Variants in PTK2B observed in about 807,000 individuals in gnomAD.
The protein encoded by PTK2B is protein tyrosine kinase 2 beta.
Under a neutral mutation model 142.9 loss-of-function variants are expected in PTK2B, and 71 were observed. The observed-to-expected ratio is 0.50, with a 90% confidence interval of 0.41 to 0.61. The LOEUF (loss-of-function observed/expected upper bound fraction) is 0.61, where lower values mean the gene tolerates loss of function less well. Among genes scored for constraint, PTK2B ranks in the 20% least tolerant of loss-of-function variants. PTK2B has a pLI of 0.00. For synonymous variants in PTK2B, 519 were observed against 503.4 expected (o/e 1.03, Z -0.42); for missense variants, 1,105 against 1,320.4 (o/e 0.84, Z 2.53).
intron 1 of PTK2B, among the ~76,000 whole-genome samples, chr8:27,344,841 A>G (rs892119031): frequency 4.6e-5 from 7 of 152,026 alleles, no homozygotes; most frequent in African/African-American, 1.4e-4. Flanking sequence ...AACACTTACA[A>G]TTTTTCTTGG....
intron 1 of PTK2B, among the ~76,000 whole-genome samples, chr8:27,350,217 G>T (rs1193152009): frequency 6.6e-6 from 1 of 152,198 alleles, no homozygotes; most frequent in Non-Finnish European, 1.5e-5. Context: ...TTTGCAAATG[G>T]AGGATACATT....
At chr8:27,346,238 A>G (rs1473179972) in intron 1 of PTK2B, among the ~76,000 whole-genome samples, 2 of 152,186 alleles carry the variant, frequency 1.3e-5, no homozygotes, top group Non-Finnish European at 2.9e-5. Flanking sequence ...TGTTTTCTTA[A>G]AAGTACTTGC....
chr8:27,427,871 A>G (rs1810180626), intron 5 of PTK2B, among the ~76,000 whole-genome samples: 1 of 152,198 alleles, frequency 6.6e-6, no homozygotes, highest in Non-Finnish European at 1.5e-5. Flanking sequence ...TTTGGGCACC[A>G]GGGACCAGTT....
chr8:27,362,876 C>G (rs1586163623), intron 1 of PTK2B, among the ~76,000 whole-genome samples: 1 of 152,170 alleles, frequency 6.6e-6, no homozygotes, highest in South Asian at 2.1e-4. Context: ...AATCTAGAAC[C>G]ACTCCCATGC....
intron 2 of PTK2B, among the ~76,000 whole-genome samples, chr8:27,404,081 C>T (rs950631560): frequency 6.6e-6 from 1 of 152,006 alleles, no homozygotes; most frequent in African/African-American, 2.4e-5. Context: ...CCACAGTGCC[C>T]CTGTCCTGCC....
At chr8:27,424,056 G>A (rs915330255) in intron 5 of PTK2B, among the ~76,000 whole-genome samples, 1 of 151,990 alleles carries the variant, frequency 6.6e-6, no homozygotes, top group African/African-American at 2.4e-5. Flanking sequence ...CAGACTGCTC[G>A]GCTCCTATGA....
intron 29 of PTK2B, 118 bp downstream of exon 29, chr8:27,454,409 G>C (rs1296816205): frequency 6.4e-7 from 1 of 1,550,540 alleles, no homozygotes; most frequent in Non-Finnish European, 8.8e-7. Flanking sequence ...CTGGGCCAGG[G>C]GAATTGAGTC....
intron 23 of PTK2B, among the ~76,000 whole-genome samples, chr8:27,445,049 A>T (rs535930730): frequency 2.2e-4 from 34 of 152,284 alleles, no homozygotes; most frequent in African/African-American, 7.9e-4. Context: ...TCGTTCTGAA[A>T]AAAAAGAGAT....
chr8:27,356,043 T>C (rs1335354741), intron 1 of PTK2B, among the ~76,000 whole-genome samples: 5 of 151,620 alleles, frequency 3.3e-5, no homozygotes, highest in African/African-American at 7.3e-5. Flanking sequence ...AAAGTTCCAG[T>C]ATTATCTAGA....
intron 23 of PTK2B, among the ~76,000 whole-genome samples, chr8:27,445,136 G>A (rs1811385020): frequency 6.6e-6 from 1 of 152,214 alleles, no homozygotes; most frequent in African/African-American, 2.4e-5. Context: ...TAAGGAGGGT[G>A]AGATGGGAGG....
intron 1 of PTK2B, among the ~76,000 whole-genome samples, chr8:27,374,478 G>A (rs2130983504): frequency 6.6e-6 from 1 of 152,370 alleles, no homozygotes; most frequent in South Asian, 2.1e-4. Flanking sequence ...AAAAATGTAA[G>A]CAGGAGCATT....
At chr8:27,424,273 A>T (rs935574326) in intron 5 of PTK2B, among the ~76,000 whole-genome samples, 2 of 152,176 alleles carry the variant, frequency 1.3e-5, no homozygotes, top group African/African-American at 4.8e-5. Context: ...TTATTTTATT[A>T]TATCCTCCAA....
upstream of PTK2B, among the ~76,000 whole-genome samples, chr8:27,323,797 T>C (rs1325086708): frequency 1.3e-5 from 2 of 152,182 alleles, no homozygotes; most frequent in African/African-American, 4.8e-5. Flanking sequence ...TATGATTCTG[T>C]GAGGTAGATT....
At chr8:27,407,058 G>C (rs979195914) in intron 2 of PTK2B, among the ~76,000 whole-genome samples, 1 of 152,140 alleles carries the variant, frequency 6.6e-6, no homozygotes, top group Non-Finnish European at 1.5e-5. Context: ...TACGGTTTAT[G>C]GGTAAATCAG....
intron 1 of PTK2B, among the ~76,000 whole-genome samples, chr8:27,383,881 T>C (rs1343857550): frequency 6.9e-6 from 1 of 145,970 alleles, no homozygotes; most frequent in African/African-American, 2.6e-5. Flanking sequence ...AGAGTTTCAC[T>C]CCTGTTGCCC....
chr8:27,319,643 CAA>C (rs35156739), intron 3 of PTK2B, among the ~76,000 whole-genome samples: 2,957 of 89,224 alleles, frequency 0.033, 58 homozygotes, highest in African/African-American at 0.1. Flanking sequence ...GACTCTGTCT[CAA>C]AAAAAAAAAA....
At position 27,434,509 on chromosome 8, in the gene PTK2B, AC is replaced by A; in HGVS notation, c.1146-3del. 6.2e-7 allele frequency: 1 copy of A among 1,609,462 alleles called. No individual in the cohort carries two copies. The highest frequency in any genetic ancestry group is 8.5e-7 in the Non-Finnish European group (1 of 1,177,980). ...CCTGGCTTCTGCTCTCTCACCTCCT[AC>A]AGAAACCTGGAGGCCCGGCGGTCCC... On this transcript the variant is annotated splice_polypyrimidine_tract_variant and splice_region_variant and intron_variant, in intron 12 of 30. Transcript: ENST00000346049.
rs139089526 is a variant in PTK2B, at chr8:27,432,351, G to T, written c.977G>T (p.Gly326Val). The T allele has an allele frequency of 5.0e-4, 799 of 1,613,666 alleles. 2 individuals are homozygous for T. Among genetic ancestry groups the T allele is most frequent in the Non-Finnish European group, 6.4e-4 (757 of 1,179,998 alleles). The part of the protein sequence containing the change: ...GQAVLQLGIE[G>V]APQALSIKTS... The stretch of plus-strand genomic sequence containing the variant: ...GCAGTACTTCAGCTGGGCATTGAAG[G>T]TGCCCCCCAGGTGAGTGTCTCTGGG... Residue 326 changes from glycine to valine, a missense_variant, in exon 10 of 31, where the codon GGT becomes GTT. By Grantham distance (109) the Gly-to-Val change is moderately radical (BLOSUM62 -3). Coordinates refer to ENST00000346049, the MANE Select transcript of PTK2B (RefSeq NM_173176.3).
intron 1 of PTK2B, among the ~76,000 whole-genome samples, chr8:27,396,894 G>C (rs1277692233): frequency 6.6e-6 from 1 of 152,182 alleles, no homozygotes; most frequent in Non-Finnish European, 1.5e-5. Context: ...CTGCTGGGCA[G>C]AGCGCTGTTC....
Sources: allele counts gnomAD v4.1 joint callset (sites outside exome capture counted in the v4.1 genomes callset), GRCh38; gene constraint gnomAD v4.1.1; transcripts MANE v1.5; gene names NCBI Gene and HGNC (gene_info 2026-07-23, HGNC 2026-07-21).